ZFR2: variants seen among roughly 807,000 people sequenced by gnomAD.
ZFR2 encodes the protein zinc finger RNA binding protein 2, also known as zinc finger RNA-binding protein 2.
In ZFR2, 104 loss-of-function variants were observed where a neutral mutation model predicts 105.7. That is an observed-to-expected ratio of 0.98 (90% CI 0.84 to 1.16). ZFR2 has a LOEUF of 1.16. Ranked by LOEUF, ZFR2 falls within the 50% of genes most tolerant of loss-of-function variation. The pLI is 0.00. For synonymous variants in ZFR2, 634 were observed against 597.7 expected (o/e 1.06, Z -0.89); for missense variants, 1,425 against 1,355.5 (o/e 1.05, Z -0.80).
In ZFR2 at chr19:3,805,808, T is replaced by C. The variant is rs971767653; in HGVS notation, c.*141A>G. ...CACAGTGCCCGGTCTGAAGCACAGG[T>C]GTTTTAAAGGAAACCTACAGAGCGT... On this transcript the variant is annotated 3_prime_UTR_variant, in exon 19 of 19. Transcript: ENST00000262961. 10 of 994,802 alleles carry C rather than the reference T, an allele frequency of 1.0e-5. No individual in the cohort carries two copies. In the Admixed American group the frequency reaches 2.5e-4, roughly 25 times the overall value. The allele number at this position is 994,802 out of a possible 1,614,324, so 61.6% of individuals were successfully genotyped here.
intron 1 of ZFR2, among the ~76,000 whole-genome samples, chr19:3,842,717 G>A (rs1237713048): frequency 6.6e-6 from 1 of 151,554 alleles, no homozygotes; most frequent in African/African-American, 2.4e-5. Context: ...TCTGCCCCCA[G>A]GGTCCAAGTG....
Position 3,823,418 on chromosome 19 carries a change from C to A in ZFR2, c.1214-15G>T. ...CTCAGGAGGCCCTGAGGGGAAAAAC[C>A]ATGTCACTTATACCCTGTTCCAGGA... On this transcript the variant is annotated splice_polypyrimidine_tract_variant and intron_variant, in intron 7 of 18. Transcript: ENST00000262961. The surrounding 1 kb of genome is among the most constrained non-coding windows in gnomAD (Gnocchi z 5.4). 1.3e-6 allele frequency: 2 copies of A among 1,593,142 alleles called. No individual in the cohort carries two copies. The highest frequency in any genetic ancestry group is 2.7e-5 in the African/African-American group (2 of 74,334).
At chr19:3,855,399 T>C (rs1445444852) in intron 1 of ZFR2, 63 of 1,231,570 alleles carry the variant, frequency 5.1e-5, no homozygotes, top group Non-Finnish European at 6.1e-5. Flanking sequence ...GTGTACAAAA[T>C]ACCTGACAGA....
Position 3,827,504 on chromosome 19 carries a change from G to A in ZFR2, c.1002C>T (p.Tyr334=), listed in dbSNP as rs778313512. Residue 334 remains tyrosine, a synonymous_variant, in exon 6 of 19, where the codon TAC becomes TAT. Transcript: ENST00000262961. ...CAVSCTGADA[Y]AAHIRGSKHQ... ...GCTTGGATCCCCGGATGTGGGCCGC[G>A]TAGGCGTCCGCCCCGGTGCAGGACA... is the stretch of plus-strand genomic sequence containing the variant. 1.1e-5 allele frequency: 17 copies of A among 1,554,954 alleles called. No individual in the cohort carries two copies. The highest frequency in any genetic ancestry group is 1.1e-5 in the Non-Finnish European group (13 of 1,150,150).
chr19:3,835,240 A>G (rs2038067579), intron 1 of ZFR2, among the ~76,000 whole-genome samples: 1 of 152,088 alleles, frequency 6.6e-6, no homozygotes, highest in South Asian at 2.1e-4. Flanking sequence ...CAGAGCTGGG[A>G]CTCGAACCCA....
chr19:3,808,424 C>A (rs1220483878), intron 17 of ZFR2, among the ~76,000 whole-genome samples: 1 of 152,268 alleles, frequency 6.6e-6, no homozygotes, highest in Non-Finnish European at 1.5e-5. Flanking sequence ...TGTCCTGGCG[C>A]GTTCTCTTCC....
At chr19:3,857,447 G>A (rs2038318684) in intron 1 of ZFR2, among the ~76,000 whole-genome samples, 1 of 151,378 alleles carries the variant, frequency 6.6e-6, no homozygotes, top group African/African-American at 2.4e-5. Flanking sequence ...GCTCACACCT[G>A]TGATCCCAGC....
At chr19:3,854,287 G>A (rs973619083) in intron 1 of ZFR2, among the ~76,000 whole-genome samples, 7 of 151,990 alleles carry the variant, frequency 4.6e-5, no homozygotes, top group Admixed American at 6.6e-5. Context: ...CAGCTACTCC[G>A]GAGGCTGAGG....
intron 1 of ZFR2, among the ~76,000 whole-genome samples, chr19:3,844,478 C>T (rs1457757959): frequency 6.6e-6 from 1 of 152,064 alleles, no homozygotes; most frequent in Non-Finnish European, 1.5e-5. Flanking sequence ...AGTGATTCTC[C>T]TGTCTCGGCC....
intron 1 of ZFR2, chr19:3,852,627 C>A (rs750974737): frequency 1.4e-6 from 1 of 717,770 alleles, no homozygotes; most frequent in South Asian, 1.5e-5. Flanking sequence ...GGAAGAGTAG[C>A]AAGGACATGG....
At chr19:3,820,430 G>T in intron 10 of ZFR2, 140 bp from the exon 11 acceptor site, 2 of 801,212 alleles carry the variant, frequency 2.5e-6, no homozygotes, top group Non-Finnish European at 3.8e-6. Flanking sequence ...TGCACTGCAT[G>T]GGTGCCTGCT....
chr19:3,855,510 TCA>T, intron 1 of ZFR2: 4 of 1,179,406 alleles, frequency 3.4e-6, no homozygotes, highest in Non-Finnish European at 4.3e-6. Context: ...ATGGGCGCTG[TCA>T]CAGCAGCGGG....
intron 1 of ZFR2, among the ~76,000 whole-genome samples, chr19:3,851,351 T>A (rs1187460869): frequency 6.6e-6 from 1 of 152,194 alleles, no homozygotes; most frequent in Non-Finnish European, 1.5e-5. Context: ...GAGTAATATG[T>A]GTTTGGTGAC....
intron 12 of ZFR2, among the ~76,000 whole-genome samples, chr19:3,817,754 T>TCA (rs1207684287): frequency 9.2e-5 from 8 of 86,830 alleles, no homozygotes; most frequent in Admixed American, 1.6e-4. Flanking sequence ...AGACTCAGTC[T>TCA]CAAAAAAGAA....
At chr19:3,818,455 G>C (rs1021913749) in intron 12 of ZFR2, among the ~76,000 whole-genome samples, 1 of 152,148 alleles carries the variant, frequency 6.6e-6, no homozygotes, top group African/African-American at 2.4e-5. Context: ...AACAGAGTGA[G>C]ATCTGTTTCT....
At chr19:3,845,980 T>C (rs960205908) in intron 1 of ZFR2, among the ~76,000 whole-genome samples, 13 of 152,288 alleles carry the variant, frequency 8.5e-5, no homozygotes, top group African/African-American at 2.9e-4. Context: ...GAAATCTTTT[T>C]CTTTTTTGTT....
intron 1 of ZFR2, among the ~76,000 whole-genome samples, chr19:3,845,975 C>A (rs1432265607): frequency 6.6e-6 from 1 of 152,080 alleles, no homozygotes; most frequent in African/African-American, 2.4e-5. Flanking sequence ...ATATGGAAAT[C>A]TTTTTCTTTT....
At chr19:3,810,294 G>A (rs2037747515) in intron 16 of ZFR2, among the ~76,000 whole-genome samples, 1 of 152,228 alleles carries the variant, frequency 6.6e-6, no homozygotes, top group Admixed American at 6.5e-5. Context: ...CTTGTGGTGA[G>A]GGGATTCTGT....
At chr19:3,829,045 G>A (rs898602593) in intron 5 of ZFR2, among the ~76,000 whole-genome samples, 2 of 148,590 alleles carry the variant, frequency 1.3e-5, no homozygotes. Context: ...CACTGCAGCC[G>A]CCGCCTCCCA....
Sources: allele counts gnomAD v4.1 joint callset (sites outside exome capture counted in the v4.1 genomes callset), GRCh38; gene constraint gnomAD v4.1.1; non-coding constraint Gnocchi (gnomAD v3.1); transcripts MANE v1.5; gene names NCBI Gene and HGNC (gene_info 2026-07-23, HGNC 2026-07-21).